Variants in SMIM36 observed in about 807,000 individuals in gnomAD.
The protein encoded by SMIM36 is small integral membrane protein 36.
At chr17:55,474,160 C>T (rs1045126489) in intron 3 of SMIM36, among the ~76,000 whole-genome samples, 1 of 152,216 alleles carries the variant, frequency 6.6e-6, no homozygotes, top group African/African-American at 2.4e-5. Context: ...CTTGCCAAAG[C>T]TCCTGGCCAA....
rs367987195 is a variant in SMIM36, at chr17:55,501,370, T to G, written c.*174+9509A>C. ...ATTATATTTTATAATATATAATATA[T>G]TATATATTATAGAATATAATATATT... On this transcript the variant is annotated intron_variant, in intron 1 of 4. Coordinates refer to ENST00000636752, the Ensembl canonical transcript of SMIM36. Among the ~76,000 whole-genome samples, 53 of 79,022 alleles carry G rather than the reference T, an allele frequency of 6.7e-4. 2 individuals are homozygous for G. Among genetic ancestry groups the G allele is most frequent in the African/African-American group, 2.8e-3 (50 of 17,986 alleles). The allele number at this position is 79,022 out of a possible 152,430, so 51.8% of individuals were successfully genotyped here.
chr17:55,455,737 G>C (rs1213229607), intron 4 of SMIM36, among the ~76,000 whole-genome samples: 1 of 152,108 alleles, frequency 6.6e-6, no homozygotes, highest in Middle Eastern at 3.2e-3. Flanking sequence ...GGGCTGCAGT[G>C]AGCTGTGATC....
the SMIM36 span, among the ~76,000 whole-genome samples, chr17:55,529,807 A>ACAAACAAACAAACAAAC: frequency 7.4e-3 from 1,123 of 152,248 alleles, 9 homozygotes; most frequent in African/African-American, 0.025. Context: ...AAACAAACAA[A>ACAAACAAACAAACAAAC]AAACAAAACA....
At chr17:55,523,961 G>T in the SMIM36 span, among the ~76,000 whole-genome samples, 2 of 151,762 alleles carry the variant, frequency 1.3e-5, no homozygotes, top group Non-Finnish European at 2.9e-5. Flanking sequence ...TACACGTGCA[G>T]GTTTGTTACA....
intron 1 of SMIM36, among the ~76,000 whole-genome samples, chr17:55,502,021 T>TA (rs1312383402): frequency 6.6e-6 from 1 of 151,660 alleles, no homozygotes; most frequent in East Asian, 2.0e-4. Flanking sequence ...CAGACCGGCT[T>TA]AAAAAACGGC....
chr17:55,520,995 AC>A, the SMIM36 span, among the ~76,000 whole-genome samples: 1 of 152,040 alleles, frequency 6.6e-6, no homozygotes, highest in Non-Finnish European at 1.5e-5. Context: ...GTGGTGGTGC[AC>A]CCTTGTGGTC....
At chr17:55,455,123 T>C (rs914360631) in intron 4 of SMIM36, among the ~76,000 whole-genome samples, 2 of 152,152 alleles carry the variant, frequency 1.3e-5, no homozygotes, top group Admixed American at 6.5e-5. Flanking sequence ...TCTGGAGAGG[T>C]TGTACTGATT....
chr17:55,498,813 A>G (rs1249690460), intron 1 of SMIM36, among the ~76,000 whole-genome samples: 2 of 151,882 alleles, frequency 1.3e-5, no homozygotes, highest in Non-Finnish European at 2.9e-5. Context: ...AGCCTATCCA[A>G]CATGACAAAA....
chr17:55,455,620 T>C (rs901836036), intron 4 of SMIM36, among the ~76,000 whole-genome samples: 6 of 151,910 alleles, frequency 3.9e-5, no homozygotes, highest in South Asian at 2.1e-4. Context: ...TGAGACCTCG[T>C]CTCTACGAAA....
chr17:55,457,447 G>A (rs1287784396), intron 4 of SMIM36, among the ~76,000 whole-genome samples: 20 of 110,788 alleles, frequency 1.8e-4, no homozygotes, highest in African/African-American at 3.7e-5. Context: ...GTGAAACTCC[G>A]TCTCAAAAAA....
At chr17:55,456,198 T>G (rs923475862) in intron 4 of SMIM36, among the ~76,000 whole-genome samples, 1 of 151,764 alleles carries the variant, frequency 6.6e-6, no homozygotes, top group African/African-American at 2.4e-5. Context: ...TCTTTTCTTG[T>G]TCCTCCCAAG....
exon 5 of SMIM36, chr17:55,450,134 A>G (rs748520416): frequency 1.3e-5 from 2 of 152,236 alleles, no homozygotes; most frequent in Non-Finnish European, 2.9e-5. Flanking sequence ...AGAGAGAAGA[A>G]GAGGCAGCAG....
intron 1 of SMIM36, among the ~76,000 whole-genome samples, chr17:55,482,622 G>A (rs114604567): frequency 0.017 from 2,574 of 152,276 alleles, 67 homozygotes; most frequent in African/African-American, 0.058. Flanking sequence ...TTTAGTGGGC[G>A]TTTTATAAGT....
the SMIM36 span, among the ~76,000 whole-genome samples, chr17:55,522,634 C>A: frequency 3.3e-5 from 5 of 152,312 alleles, no homozygotes; most frequent in Non-Finnish European, 4.4e-5. Context: ...CTCCACCTAG[C>A]CCTGCTCTTG....
chr17:55,501,353 T>TATATATTATAGAA (rs1909961221), intron 1 of SMIM36, among the ~76,000 whole-genome samples: 2 of 63,488 alleles, frequency 3.2e-5, no homozygotes, highest in African/African-American at 2.5e-4. Flanking sequence ...ATATTATATT[T>TATATATTATAGAA]TATAATATAT....
At chr17:55,494,376 C>A (rs1298537112) in intron 1 of SMIM36, among the ~76,000 whole-genome samples, 1 of 152,116 alleles carries the variant, frequency 6.6e-6, no homozygotes, top group Non-Finnish European at 1.5e-5. Context: ...ATACAAAAAC[C>A]AAATTTGAAA....
At chr17:55,503,995 TA>T (rs1910040038) in intron 1 of SMIM36, among the ~76,000 whole-genome samples, 1 of 88,544 alleles carries the variant, frequency 1.1e-5, no homozygotes, top group Non-Finnish European at 2.0e-5. Context: ...TACATAATGG[TA>T]AAGGGATCAA....
At chr17:55,480,029 G>A (rs1238814663) in intron 1 of SMIM36, among the ~76,000 whole-genome samples, 3 of 152,078 alleles carry the variant, frequency 2.0e-5, no homozygotes, top group Non-Finnish European at 4.4e-5. Context: ...CACTCCCTCT[G>A]TGTAGCAGGG....
intron 1 of SMIM36, among the ~76,000 whole-genome samples, chr17:55,482,722 C>T (rs770934922): frequency 1.8e-4 from 28 of 152,156 alleles, no homozygotes; most frequent in Non-Finnish European, 3.4e-4. Context: ...GTCATTGTTA[C>T]ATTGCTGACA....
Sources: gnomAD v4.1 joint callset for allele counts (sites outside exome capture counted in the v4.1 genomes callset) on GRCh38, gnomAD v4.1.1 for gene constraint, MANE v1.5 for transcripts, NCBI Gene and HGNC (gene_info 2026-07-23, HGNC 2026-07-21) for gene names.